Variants in DNAH14 observed in about 807,000 individuals in gnomAD.
The protein encoded by DNAH14 is axonemal beta dynein heavy chain 14.
Under a neutral mutation model 520.9 loss-of-function variants are expected in DNAH14, and 478 were observed. The observed-to-expected ratio is 0.92, with a 90% confidence interval of 0.85 to 0.99. The LOEUF is 0.99. Ranked by LOEUF, DNAH14 falls within the 50% of genes least tolerant of loss-of-function variation. The probability of loss-of-function intolerance (pLI) is 0.00; values close to 1 mark genes in which losing one functional copy is unlikely to be tolerated. For missense variants in DNAH14, 4,831 were observed against 5,234.5 expected (o/e 0.92, Z 2.38); for synonymous variants, 1,581 against 1,757.2 (o/e 0.90, Z 2.51).
At position 225,024,088 on chromosome 1, in the gene DNAH14, G is replaced by A. The variant is rs1324852813; in HGVS notation, c.1358+223G>A. 6.1e-6 allele frequency: 7 copies of A among 1,145,458 alleles called. No individual in the cohort carries two copies. The East Asian group carries it at 2.4e-4, about 39-fold the overall frequency. The allele number at this position is 1,145,458 out of a possible 1,614,324, so 71.0% of individuals were successfully genotyped here. A position where few individuals can be genotyped will look rare whatever the true frequency, so the allele number is the denominator to read the frequency against. ...AGTAAAATTTGAATTTCACATAAATGGTAAATAATTTTAGTATACTTCAAG... is the reference window on the plus strand; with the variant it reads ...AGTAAAATTTGAATTTCACATAAATAGTAAATAATTTTAGTATACTTCAAG... On this transcript the variant is annotated intron_variant, in intron 11 of 85. Transcript: ENST00000682510.
chr1:225,187,839 C>A (rs2084937377), intron 37 of DNAH14, among the ~76,000 whole-genome samples: 1 of 151,750 alleles, frequency 6.6e-6, no homozygotes, highest in Non-Finnish European at 1.5e-5. Flanking sequence ...ATTCTGGACA[C>A]AAAACTCTCA....
chr1:225,331,623 G>A (rs771946575), intron 65 of DNAH14, 46 bp downstream of exon 65: 2 of 1,549,264 alleles, frequency 1.3e-6, no homozygotes, highest in Non-Finnish European at 8.7e-7. Context: ...TTCCTACTGG[G>A]CCCAACAACC....
rs551550800 is a variant in DNAH14 at position 225,112,415 on chromosome 1, G to C, written c.3868-5269G>C. ...GATCCTTTCTTTATCCTTGAATTTT[G>C]GAAGTTTGAATATTAAATGCCTTGA... On this transcript the variant is annotated intron_variant, in intron 23 of 85. Transcript: ENST00000682510. 2.0e-5 allele frequency among the ~76,000 whole-genome samples: 3 copies of C among 152,024 alleles called. No homozygotes were observed. The South Asian group carries it at 6.2e-4, about 32-fold the overall frequency.
chr1:225,207,893 A>C (rs1338914894), intron 41 of DNAH14, among the ~76,000 whole-genome samples: 1 of 152,166 alleles, frequency 6.6e-6, no homozygotes, highest in Non-Finnish European at 1.5e-5. Flanking sequence ...AAGTGGAAGA[A>C]AATATTTAGG....
intron 17 of DNAH14, among the ~76,000 whole-genome samples, chr1:225,062,045 T>C (rs897238813): frequency 6.6e-6 from 1 of 152,150 alleles, no homozygotes; most frequent in African/African-American, 2.4e-5. Flanking sequence ...GCCTCTGTAA[T>C]GCCAGCAATT....
chr1:225,010,408 T>C (rs1247495297), intron 10 of DNAH14, among the ~76,000 whole-genome samples: 3 of 152,094 alleles, frequency 2.0e-5, no homozygotes, highest in Non-Finnish European at 4.4e-5. Flanking sequence ...TATTGATTTG[T>C]GTATGTTGAA....
At chr1:224,961,267 A>G (rs961849682) in intron 4 of DNAH14, 2 of 152,170 alleles carry the variant, frequency 1.3e-5, no homozygotes, top group African/African-American at 4.8e-5. Context: ...TTGAGACTTT[A>G]AGCAGAGGAT....
chr1:225,065,636 G>T (rs1414352138), intron 17 of DNAH14, among the ~76,000 whole-genome samples: 1 of 151,930 alleles, frequency 6.6e-6, no homozygotes, highest in Non-Finnish European at 1.5e-5. Flanking sequence ...GCCTTGCTGT[G>T]CCTAGCTTAT....
chr1:225,092,786 A>C (rs1042256444), intron 21 of DNAH14, among the ~76,000 whole-genome samples: 8 of 151,092 alleles, frequency 5.3e-5, no homozygotes, highest in African/African-American at 1.9e-4. Context: ...TACAATCATA[A>C]GAAAAAAAAA....
At chr1:225,259,371 A>G in intron 46 of DNAH14, 118 bp downstream of exon 46, 1 of 709,726 alleles carries the variant, frequency 1.4e-6, no homozygotes. Context: ...AGAATCATTC[A>G]AAAGAGGAGA....
In DNAH14 at chr1:225,388,497, G is replaced by T. The variant is rs1210907055; in HGVS notation, c.13190+6G>T. 4.9e-6 allele frequency: 7 copies of T among 1,435,808 alleles called. No individual in the cohort carries two copies. Among genetic ancestry groups the T allele is most frequent in the Non-Finnish European group, 6.6e-6 (7 of 1,053,866 alleles). 88.9% of individuals were successfully genotyped at this position (1,435,808 alleles called of 1,614,324 possible). On this transcript the variant is annotated splice_donor_region_variant and intron_variant, in intron 82 of 85. Transcript: ENST00000682510. ...TATACTGCAATACAGCGTCGGTATGGATAAAAGATGCTTTACATTTCTTCC... is the reference window on the plus strand; with the variant it reads ...TATACTGCAATACAGCGTCGGTATGTATAAAAGATGCTTTACATTTCTTCC...
intron 1 of DNAH14, among the ~76,000 whole-genome samples, chr1:224,952,174 TC>T (rs1338629587): frequency 1.3e-5 from 2 of 152,174 alleles, no homozygotes; most frequent in African/African-American, 4.8e-5. Flanking sequence ...AGAAAGAAAC[TC>T]CCCTTTTTAT....
chr1:225,318,125 G>T (rs1036748027), intron 60 of DNAH14, among the ~76,000 whole-genome samples: 1 of 152,178 alleles, frequency 6.6e-6, no homozygotes, highest in Non-Finnish European at 1.5e-5. Flanking sequence ...ATTCCTAATT[G>T]ATTGCAGTTC....
In DNAH14 at chr1:224,967,529, T is replaced by C; in HGVS notation, c.597T>C (p.His199=). 1 of 1,605,300 alleles carries C rather than the reference T, an allele frequency of 6.2e-7. No homozygotes were observed. The highest frequency in any genetic ancestry group is 8.5e-7 in the Non-Finnish European group (1 of 1,176,578). Residue 199 remains histidine (H), a synonymous_variant, in exon 6 of 86, where the codon CAT becomes CAC. Transcript: ENST00000682510. ...ATGATCTTCAGGTAGTATCGGCTCA[T>C]ACTGCTAAACATTGCAAAGAATTTT... is the stretch of plus-strand genomic sequence containing the variant. ...NPYDLQVVSA[H]TAKHCKEFWV...
chr1:225,086,989 A>ACC (rs1343434407), intron 21 of DNAH14, among the ~76,000 whole-genome samples: 2 of 95,532 alleles, frequency 2.1e-5, no homozygotes, highest in East Asian at 5.8e-4. Context: ...TGAAAAGAAC[A>ACC]CCACACACAC....
chr1:225,265,521 C>T (rs2093080233), intron 48 of DNAH14, among the ~76,000 whole-genome samples, 152 bp downstream of exon 48: 1 of 152,070 alleles, frequency 6.6e-6, no homozygotes, highest in Admixed American at 6.6e-5. Flanking sequence ...CTTTGATTTT[C>T]AGATCAATAT....
At chr1:225,184,753 A>AAGAG (rs942040812) in intron 36 of DNAH14, among the ~76,000 whole-genome samples, 6 of 151,808 alleles carry the variant, frequency 4.0e-5, no homozygotes, top group East Asian at 1.9e-4. Context: ...TCTTAAAAAA[A>AAGAG]AGAGAGAGAG....
chr1:224,953,592 C>A (rs2060320703), intron 2 of DNAH14, among the ~76,000 whole-genome samples: 1 of 151,976 alleles, frequency 6.6e-6, no homozygotes. Context: ...GCTGTAGAAA[C>A]AAGGATACAC....
chr1:225,273,266 C>G (rs2093362364), intron 52 of DNAH14, 141 bp downstream of exon 52: 3 of 945,076 alleles, frequency 3.2e-6, no homozygotes, highest in Non-Finnish European at 4.4e-6. Flanking sequence ...CCCGTGTCTA[C>G]TAAAAATACA....
Sources: gnomAD v4.1 joint callset for allele counts (sites outside exome capture counted in the v4.1 genomes callset) on GRCh38, gnomAD v4.1.1 for gene constraint, MANE v1.5 for transcripts, NCBI Gene and HGNC (gene_info 2026-07-23, HGNC 2026-07-21) for gene names.